The following IFT43 variants were observed in gnomAD, a reference collection of about 807,000 sequenced individuals.
IFT43 encodes intraflagellar transport protein 43 homolog.
Under a neutral mutation model 32.3 loss-of-function variants are expected in IFT43, and 33 were observed. The ratio of observed to expected loss-of-function variants is 1.02; its 90% CI spans 0.77 to 1.37. IFT43 has a LOEUF of 1.37. Among genes scored for constraint, IFT43 ranks in the 40% most tolerant of loss-of-function variants. The probability of loss-of-function intolerance (pLI) is 0.00; values close to 1 mark genes in which losing one functional copy is unlikely to be tolerated. For missense variants in IFT43, 274 were observed against 265.9 expected, an observed-to-expected ratio of 1.03 and a Z score of -0.21; for synonymous variants, 93 against 98.2, an observed-to-expected ratio of 0.95 and a Z score of 0.31.
At chr14:76,011,853 T>C (rs540820928) in intron 2 of IFT43, among the ~76,000 whole-genome samples, 7 of 152,302 alleles carry the variant, frequency 4.6e-5, no homozygotes, top group Admixed American at 3.3e-4. Context: ...GAGTTGGAAC[T>C]GTGCGTGGAG....
intron 5 of IFT43, among the ~76,000 whole-genome samples, chr14:76,061,923 T>G (rs772432997): frequency 6.6e-6 from 1 of 152,178 alleles, no homozygotes; most frequent in Non-Finnish European, 1.5e-5. Flanking sequence ...AAGTTTTGGA[T>G]TTTAGAGCAT....
chr14:76,033,284 T>C (rs2036540640), intron 3 of IFT43, among the ~76,000 whole-genome samples: 1 of 152,184 alleles, frequency 6.6e-6, no homozygotes, highest in Admixed American at 6.5e-5. Context: ...AAGAATCATG[T>C]CTGCAATATT....
chr14:75,996,646 T>A (rs1387480451), intron 2 of IFT43, among the ~76,000 whole-genome samples: 1 of 152,252 alleles, frequency 6.6e-6, no homozygotes, highest in Non-Finnish European at 1.5e-5. Context: ...TAGTAGCATT[T>A]CTGCCTATGC....
intron 3 of IFT43, among the ~76,000 whole-genome samples, chr14:76,028,263 C>T (rs1379683822): frequency 6.6e-6 from 1 of 151,570 alleles, no homozygotes; most frequent in Non-Finnish European, 1.5e-5. Flanking sequence ...TGTTCACCCA[C>T]AGTCTTTCAC....
At chr14:76,044,502 G>A (rs948386171) in intron 3 of IFT43, among the ~76,000 whole-genome samples, 20 of 152,080 alleles carry the variant, frequency 1.3e-4, no homozygotes, top group African/African-American at 4.1e-4. Context: ...GAACCTAGTC[G>A]TTTTGGGTGT....
intron 3 of IFT43, among the ~76,000 whole-genome samples, chr14:76,031,899 A>G (rs1318138505): frequency 6.6e-6 from 1 of 152,162 alleles, no homozygotes; most frequent in East Asian, 1.9e-4. Flanking sequence ...ACCCAGTCTC[A>G]GGTTTGACTA....
intron 3 of IFT43, among the ~76,000 whole-genome samples, chr14:76,057,153 T>C (rs1015651186): frequency 1.3e-5 from 2 of 152,242 alleles, no homozygotes; most frequent in Non-Finnish European, 2.9e-5. Flanking sequence ...AATGGTACAG[T>C]TGATAGAGTC....
At chr14:76,076,498 G>C in intron 5 of IFT43, 8 of 1,543,766 alleles carry the variant, frequency 5.2e-6, no homozygotes, top group Non-Finnish European at 7.1e-6. Flanking sequence ...TTCTCTCCCT[G>C]CTGGAGTTAG....
At position 76,082,678 on chromosome 14, in the gene IFT43, GC is replaced by G. The variant is rs1365428766; in HGVS notation, c.432del (p.Ile145PhefsTer10). The part of the protein sequence containing the change: ...DLDNDLMKYS[A>X]IQTLDGEIDL... The stretch of plus-strand genomic sequence containing the variant: ...GGACAATGACCTCATGAAGTACTCA[GC>G]CATTCAGACACTGGTGAGTGGAACA... On this transcript the variant is annotated frameshift_variant, in exon 7 of 9. Coordinates refer to ENST00000314067, the MANE Select transcript of IFT43 (RefSeq NM_001102564.3). LOFTEE classifies it high-confidence loss of function. The G allele has an allele frequency of 6.2e-7, 1 of 1,609,928 alleles. No individual in the cohort carries two copies. Among genetic ancestry groups the G allele is most frequent in the African/African-American group, 1.3e-5 (1 of 74,954 alleles).
chr14:76,022,784 G>A (rs2036319145), intron 3 of IFT43, among the ~76,000 whole-genome samples: 1 of 152,042 alleles, frequency 6.6e-6, no homozygotes, highest in African/African-American at 2.4e-5. Flanking sequence ...TCTCTCACTT[G>A]TCATAATGTT....
intron 3 of IFT43, among the ~76,000 whole-genome samples, chr14:76,045,645 C>A (rs2036793931): frequency 6.6e-6 from 1 of 152,186 alleles, no homozygotes; most frequent in African/African-American, 2.4e-5. Flanking sequence ...GGGCCTTTGT[C>A]ACCATGCTCG....
intron 5 of IFT43, among the ~76,000 whole-genome samples, chr14:76,079,150 T>C (rs1444388894): frequency 6.6e-6 from 1 of 152,204 alleles, no homozygotes; most frequent in African/African-American, 2.4e-5. Flanking sequence ...AGAAAGCCCA[T>C]GTGGGGCATG....
chr14:76,022,951 C>T (rs1462461498), intron 3 of IFT43, among the ~76,000 whole-genome samples: 1 of 152,264 alleles, frequency 6.6e-6, no homozygotes, highest in Non-Finnish European at 1.5e-5. Context: ...GATGTCCCAT[C>T]ACCCTGCCTA....
intron 5 of IFT43, among the ~76,000 whole-genome samples, chr14:76,070,764 G>C (rs1034133521): frequency 2.0e-5 from 3 of 151,768 alleles, no homozygotes; most frequent in Admixed American, 2.0e-4. Context: ...AGTGTGTGGC[G>C]CCTCCCCACC....
At chr14:76,058,809 G>C (rs1413115416) in intron 4 of IFT43, 135 bp downstream of exon 4, 1 of 1,575,004 alleles carries the variant, frequency 6.3e-7, no homozygotes, top group Non-Finnish European at 8.6e-7. Context: ...ATTGATGCCT[G>C]CTGAATCCAA....
At chr14:76,082,172 T>TCCTTCCTGCC (rs1296217082) in intron 5 of IFT43, 123 bp from the exon 6 acceptor site, 28 of 859,326 alleles carry the variant, frequency 3.3e-5, no homozygotes, top group Non-Finnish European at 5.6e-5. Flanking sequence ...TATCTGAGTG[T>TCCTTCCTGCC]CCTTCCTGCC....
intron 1 of IFT43, chr14:75,986,210 A>G (rs1160631011): frequency 1.5e-6 from 2 of 1,306,166 alleles, no homozygotes; most frequent in Admixed American, 2.3e-5. Context: ...CTCCCATCCT[A>G]GAGTTTTTCC....
intron 2 of IFT43, among the ~76,000 whole-genome samples, chr14:76,018,089 T>G (rs2139944970): frequency 6.6e-6 from 1 of 152,162 alleles, no homozygotes; most frequent in South Asian, 2.1e-4. Context: ...TTCTAGTGAT[T>G]TGGGGTTTAG....
At chr14:76,008,517 T>A (rs958589771) in intron 2 of IFT43, among the ~76,000 whole-genome samples, 2 of 152,150 alleles carry the variant, frequency 1.3e-5, no homozygotes, top group African/African-American at 4.8e-5. Context: ...AAAAGGAGGC[T>A]CAGTGGAGAT....
Sources: gnomAD v4.1 joint callset for allele counts (sites outside exome capture counted in the v4.1 genomes callset) on GRCh38, gnomAD v4.1.1 for gene constraint, MANE v1.5 for transcripts, NCBI Gene and HGNC (gene_info 2026-07-23, HGNC 2026-07-21) for gene names.